Variants in CDC42BPA observed in about 807,000 individuals in gnomAD.
CDC42BPA encodes the protein serine/threonine-protein kinase MRCK alpha.
A neutral mutation model predicts 223.5 loss-of-function variants in CDC42BPA; 80 were observed. The observed-to-expected ratio is 0.36, with a 90% CI of 0.30 to 0.43. CDC42BPA has a LOEUF of 0.43. Among genes scored for constraint, CDC42BPA ranks in the 20% least tolerant of loss-of-function variants. The pLI is 1.00. For synonymous variants in CDC42BPA, 694 were observed against 718.6 expected, an observed-to-expected ratio of 0.97 and a Z score of 0.55; for missense variants, 1,743 against 2,099.9, an observed-to-expected ratio of 0.83 and a Z score of 3.32.
intron 3 of CDC42BPA, among the ~76,000 whole-genome samples, chr1:227,209,365 T>C (rs919079436): frequency 2.8e-5 from 4 of 142,940 alleles, no homozygotes; most frequent in Admixed American, 7.0e-5. Context: ...TCCTGCCTAA[T>C]TGCCCTGGCC....
intron 1 of CDC42BPA, among the ~76,000 whole-genome samples, chr1:227,287,234 G>A (rs1451366913): frequency 6.6e-6 from 1 of 152,112 alleles, no homozygotes; most frequent in Admixed American, 6.6e-5. Flanking sequence ...GTTTCGTATT[G>A]TGCGGAAAAG....
At chr1:227,005,308 A>T (rs920359077) in intron 34 of CDC42BPA, among the ~76,000 whole-genome samples, 197 bp from the exon 35 acceptor site, 2 of 152,210 alleles carry the variant, frequency 1.3e-5, no homozygotes, top group Non-Finnish European at 2.9e-5. Flanking sequence ...ATCTCATCCT[A>T]ATCAGGAATA....
chr1:227,310,342 G>C (rs1693288635), intron 1 of CDC42BPA, among the ~76,000 whole-genome samples: 1 of 152,156 alleles, frequency 6.6e-6, no homozygotes, highest in Admixed American at 6.5e-5. Flanking sequence ...AACACACTTT[G>C]AAACTAGGGA....
At chr1:227,039,391 A>G (rs1301038639) in intron 24 of CDC42BPA, among the ~76,000 whole-genome samples, 1 of 152,158 alleles carries the variant, frequency 6.6e-6, no homozygotes, top group Non-Finnish European at 1.5e-5. Context: ...AAGTCCCCTC[A>G]TATAAGGTAG....
chr1:227,244,986 G>C (rs927926290), intron 2 of CDC42BPA, among the ~76,000 whole-genome samples: 2 of 152,214 alleles, frequency 1.3e-5, no homozygotes, highest in Non-Finnish European at 2.9e-5. Flanking sequence ...TAGCCAAAGG[G>C]GAGTCACCCA....
chr1:227,055,977 C>T (rs954076804), intron 21 of CDC42BPA, among the ~76,000 whole-genome samples: 2 of 151,820 alleles, frequency 1.3e-5, no homozygotes, highest in African/African-American at 4.8e-5. Flanking sequence ...TCATAATGGT[C>T]CCTGAAGCTG....
rs1002183246 is a variant in CDC42BPA, at chr1:227,224,742, A to C, written c.271-11523T>G. 1.2e-3 allele frequency among the ~76,000 whole-genome samples: 181 copies of C among 152,238 alleles called. 2 individuals carry two copies. Among genetic ancestry groups the C allele is most frequent in the Non-Finnish European group, 5.9e-5 (4 of 68,042 alleles). On this transcript the variant is annotated intron_variant, in intron 2 of 36. Transcript: ENST00000366766. ...TATTGTGGATTAGAAAACTAATTTG[A>C]AATCATACAACCTTTTCTATGTCTT...
intron 1 of CDC42BPA, among the ~76,000 whole-genome samples, chr1:227,300,742 G>C (rs1343109498): frequency 6.6e-6 from 1 of 152,162 alleles, no homozygotes; most frequent in Non-Finnish European, 1.5e-5. Flanking sequence ...CTCAGGTGAC[G>C]AGTGTACTAA....
At chr1:227,047,779 GA>G (rs755587681) in intron 23 of CDC42BPA, 147 bp downstream of exon 23, 2 of 534,030 alleles carry the variant, frequency 3.7e-6, no homozygotes, top group Non-Finnish European at 6.8e-6. Context: ...TCCTATTGGT[GA>G]TTATTTGCAT....
intron 16 of CDC42BPA, among the ~76,000 whole-genome samples, chr1:227,083,709 T>C (rs1681202699): frequency 6.6e-6 from 1 of 152,210 alleles, no homozygotes; most frequent in Admixed American, 6.5e-5. Flanking sequence ...GTATTTACTT[T>C]TACTTTTGGT....
intron 3 of CDC42BPA, among the ~76,000 whole-genome samples, chr1:227,212,172 GATT>G (rs1392673315): frequency 1.3e-5 from 2 of 151,422 alleles, no homozygotes; most frequent in Non-Finnish European, 2.9e-5. Context: ...GAACAAAAGT[GATT>G]ATTAGTTTCT....
chr1:227,173,015 T>C (rs1048610859), intron 5 of CDC42BPA, among the ~76,000 whole-genome samples: 1 of 152,210 alleles, frequency 6.6e-6, no homozygotes, highest in African/African-American at 2.4e-5. Flanking sequence ...GAGGAATAAC[T>C]ACATTTAGCT....
intron 6 of CDC42BPA, among the ~76,000 whole-genome samples, chr1:227,159,990 C>T (rs552940657): frequency 6.6e-6 from 1 of 151,672 alleles, no homozygotes; most frequent in African/African-American, 2.4e-5. Flanking sequence ...ACTACAGGCA[C>T]GCACCACCAT....
At chr1:227,109,557 G>T (rs187277705) in intron 14 of CDC42BPA, among the ~76,000 whole-genome samples, 36 of 152,004 alleles carry the variant, frequency 2.4e-4, no homozygotes, top group Non-Finnish European at 4.0e-4. Flanking sequence ...GTAGAGACGG[G>T]GTTTCACTAT....
Position 227,060,025 on chromosome 1 carries a change from T to TTG in CDC42BPA, c.2905-8041_2905-8040insCA, listed in dbSNP as rs1675485275. ...AGGAACAATTATCTCAAAAAGTTTT[T>TTG]TTTTGTTTTTTTTTTTTTTTTTTGA... On this transcript the variant is annotated intron_variant, in intron 21 of 36. Transcript: ENST00000366766. Among the ~76,000 whole-genome samples, 3 of 77,116 alleles carry TTG rather than the reference T, an allele frequency of 3.9e-5. 1 individual carries two copies. Among genetic ancestry groups the TTG allele is most frequent in the African/African-American group, 1.6e-4 (3 of 19,030 alleles). The allele number at this position is 77,116 out of a possible 152,430, so 50.6% of individuals were successfully genotyped here. A position where few individuals can be genotyped will look rare whatever the true frequency, so the allele number is the denominator to read the frequency against.
At chr1:227,300,243 G>A (rs1020085909) in intron 1 of CDC42BPA, among the ~76,000 whole-genome samples, 3 of 152,154 alleles carry the variant, frequency 2.0e-5, no homozygotes, top group Admixed American at 1.3e-4. Context: ...CAACCTCTAT[G>A]GAAAACTGTA....
rs751799596 is a variant in CDC42BPA, at chr1:226,994,387, G to A, written c.5146C>T (p.Pro1716Ser). The stretch of plus-strand genomic sequence containing the variant: ...CTGTTGGAAGCTGTGGAATGCCTCG[G>A]AGAGTCAGAGTCCTGTAAGGCCCAA... ...RDFDGEDSDS[P>S]RHSTASNSSN... The change falls in exon 37 of 37, where the codon CCG (proline) becomes TCG (serine). Residue 1716 changes from proline to serine, a missense_variant. Pro to Ser is a moderately conservative substitution (Grantham distance 74). Transcript: ENST00000366766. This position sits in a 1 kb window ranked among gnomAD's most constrained non-coding sequence, Gnocchi z 4.0. 1 of 1,562,662 alleles carries A rather than the reference G, an allele frequency of 6.4e-7. No homozygotes were observed. Among genetic ancestry groups the A allele is most frequent in the South Asian group, 1.2e-5 (1 of 84,516 alleles).
intron 15 of CDC42BPA, among the ~76,000 whole-genome samples, chr1:227,094,394 A>G (rs1224692933): frequency 3.3e-5 from 5 of 152,218 alleles, no homozygotes. Context: ...CTATAGTTCA[A>G]CAATGAATAG....
chr1:227,004,925 G>T, intron 35 of CDC42BPA, 69 bp downstream of exon 35: 1 of 1,017,078 alleles, frequency 9.8e-7, no homozygotes, highest in South Asian at 1.3e-5. Flanking sequence ...TGTCACCCAC[G>T]GGACAGGAGG....
Sources: allele counts gnomAD v4.1 joint callset (sites outside exome capture counted in the v4.1 genomes callset), GRCh38; gene constraint gnomAD v4.1.1; non-coding constraint Gnocchi (gnomAD v3.1); transcripts MANE v1.5; gene names NCBI Gene and HGNC (gene_info 2026-07-23, HGNC 2026-07-21).